Variants in TARBP1 observed in about 807,000 individuals in gnomAD.
TARBP1 encodes tRNA guanosine 2 -O-methyltransferase TARBP1.
Under a neutral mutation model 178.6 loss-of-function variants are expected in TARBP1, and 144 were observed. That is an observed-to-expected ratio of 0.81 (90% CI 0.70 to 0.93). TARBP1 has a LOEUF of 0.93. TARBP1 is among the 40% of genes least tolerant of loss of function. The probability of loss-of-function intolerance (pLI) is 0.00; values close to 1 mark genes in which losing one functional copy is unlikely to be tolerated. For missense variants in TARBP1, 2,067 were observed against 2,011.7 expected (o/e 1.03, Z -0.53); for synonymous variants, 787 against 781.0 (o/e 1.01, Z -0.13).
intron 9 of TARBP1, among the ~76,000 whole-genome samples, chr1:234,450,777 T>TGC (rs1491224494): frequency 1.3e-5 from 1 of 75,814 alleles, no homozygotes; most frequent in Admixed American, 1.8e-4. Context: ...CGTATATGTA[T>TGC]GTGTGATATA....
intron 20 of TARBP1, among the ~76,000 whole-genome samples, chr1:234,422,786 T>C (rs1389746041): frequency 6.6e-6 from 1 of 152,214 alleles, no homozygotes; most frequent in Non-Finnish European, 1.5e-5. Context: ...GTGACAGATA[T>C]CTCATTTACC....
chr1:234,433,888 T>C (rs578145427), intron 13 of TARBP1, among the ~76,000 whole-genome samples: 13 of 152,314 alleles, frequency 8.5e-5, no homozygotes, highest in African/African-American at 3.1e-4. Flanking sequence ...CTAGGGCTAG[T>C]ACATCATAAA....
chr1:234,425,953 A>G (rs1203127434), intron 19 of TARBP1, among the ~76,000 whole-genome samples, 160 bp from the exon 20 acceptor site: 3 of 152,238 alleles, frequency 2.0e-5, no homozygotes, highest in African/African-American at 7.2e-5. Flanking sequence ...TTTAGAATAG[A>G]TAACAGAAGA....
chr1:234,429,511 T>C lies in TARBP1; in HGVS notation c.2776A>G (p.Ile926Val), dbSNP rs543694624. ...EPFLPAVQMP[I>V]RTLQSALEAL... Reference sequence around the variant, plus strand: ...TCTAGTGCAGACTGCAAAGTCCTTATTGGCATCTGAACGGCAGGTAGAAAC... The same window carrying C: ...TCTAGTGCAGACTGCAAAGTCCTTACTGGCATCTGAACGGCAGGTAGAAAC... Residue 926 changes from isoleucine to valine, a missense_variant, in exon 16 of 30, where the codon ATA becomes GTA. Physicochemically the swap from Ile to Val is conservative, Grantham distance 29. Transcript: ENST00000040877. The C allele has an allele frequency of 2.7e-5, 44 of 1,614,194 alleles. No homozygotes were observed. Among genetic ancestry groups the C allele is most frequent in the Non-Finnish European group, 3.5e-5 (41 of 1,180,040 alleles).
chr1:234,447,420 G>C (rs1461838874), intron 11 of TARBP1, among the ~76,000 whole-genome samples: 1 of 105,786 alleles, frequency 9.5e-6, no homozygotes, highest in Non-Finnish European at 1.8e-5. Flanking sequence ...TTTGAGATGG[G>C]GTCTCACTCT....
intron 26 of TARBP1, among the ~76,000 whole-genome samples, chr1:234,395,581 C>CTGAATTTGG (rs1179333950): frequency 6.6e-6 from 1 of 152,170 alleles, no homozygotes; most frequent in Non-Finnish European, 1.5e-5. Flanking sequence ...GAAAGGCAAA[C>CTGAATTTGG]TGAATTTGGA....
At chr1:234,422,193 G>T (rs1278666688) in intron 20 of TARBP1, among the ~76,000 whole-genome samples, 1 of 152,124 alleles carries the variant, frequency 6.6e-6, no homozygotes, top group Admixed American at 6.5e-5. Flanking sequence ...CCCTCAACTG[G>T]AAGTTGAGAA....
intron 9 of TARBP1, among the ~76,000 whole-genome samples, chr1:234,456,061 T>C (rs1026059838): frequency 6.6e-6 from 1 of 152,244 alleles, no homozygotes; most frequent in African/African-American, 2.4e-5. Flanking sequence ...GTAGATAAAG[T>C]GGATGTCCAC....
intron 6 of TARBP1, among the ~76,000 whole-genome samples, chr1:234,462,693 A>G (rs1667995892): frequency 6.6e-6 from 1 of 151,052 alleles, no homozygotes; most frequent in Admixed American, 6.6e-5. Flanking sequence ...ATCTCAAAAA[A>G]AAAAAAAAAA....
chr1:234,468,816 C>T (rs1668726393), intron 3 of TARBP1, among the ~76,000 whole-genome samples: 1 of 151,816 alleles, frequency 6.6e-6, no homozygotes, highest in South Asian at 2.1e-4. Flanking sequence ...GGCTTGTGTC[C>T]CAGGTGGTGC....
chr1:234,424,171 T>C (rs1663440847), intron 20 of TARBP1, among the ~76,000 whole-genome samples: 2 of 152,312 alleles, frequency 1.3e-5, no homozygotes, highest in Admixed American at 1.3e-4. Flanking sequence ...TTCCATGAGT[T>C]CTGTAGTCAT....
intron 20 of TARBP1, among the ~76,000 whole-genome samples, chr1:234,424,835 G>A (rs934097691): frequency 2.0e-5 from 3 of 152,174 alleles, no homozygotes; most frequent in Admixed American, 1.3e-4. Context: ...GCCAAGGAGG[G>A]TGGATTACCT....
At chr1:234,458,278 A>G (rs1667490984) in intron 8 of TARBP1, among the ~76,000 whole-genome samples, 1 of 152,138 alleles carries the variant, frequency 6.6e-6, no homozygotes. Flanking sequence ...TGGGAGGTGG[A>G]GGTTGCAGTG....
intron 12 of TARBP1, among the ~76,000 whole-genome samples, chr1:234,443,863 G>T (rs1380004072): frequency 6.6e-6 from 1 of 152,166 alleles, no homozygotes; most frequent in East Asian, 1.9e-4. Flanking sequence ...AGACACAAAA[G>T]GACAAATGCT....
intron 13 of TARBP1, among the ~76,000 whole-genome samples, chr1:234,436,076 CAT>C (rs1199687715): frequency 6.6e-6 from 1 of 151,722 alleles, no homozygotes; most frequent in Non-Finnish European, 1.5e-5. Flanking sequence ...TTAAAACTAT[CAT>C]ATATGGAATT....
Position 234,429,593 on chromosome 1 carries a change from G to A in TARBP1, c.2694C>T (p.Phe898=). 1 of 1,613,992 alleles carries A rather than the reference G, an allele frequency of 6.2e-7. No homozygotes were observed. Among genetic ancestry groups the A allele is most frequent in the Non-Finnish European group, 8.5e-7 (1 of 1,180,004 alleles). The change falls in exon 16 of 30, where the codon TTC becomes TTT. Residue 898 remains phenylalanine, a synonymous_variant. Coordinates refer to ENST00000040877, the MANE Select transcript of TARBP1 (RefSeq NM_005646.4). ...YIHDQWVCLS[F]LLKKYHTLIP... ...TAAGGGTGTGATATTTTTTCAACAG[G>A]AAAGAGAGGCACACCCATTGATCAT...
chr1:234,457,198 G>T (rs1247854105), intron 9 of TARBP1, among the ~76,000 whole-genome samples: 1 of 152,222 alleles, frequency 6.6e-6, no homozygotes, highest in Non-Finnish European at 1.5e-5. Context: ...GCATGGAGAA[G>T]AGGAAAGATG....
At chr1:234,467,957 T>G (rs534034354) in intron 3 of TARBP1, among the ~76,000 whole-genome samples, 6 of 152,194 alleles carry the variant, frequency 3.9e-5, no homozygotes, top group African/African-American at 1.4e-4. Flanking sequence ...TTTAAAATAT[T>G]TTTTAGAAAC....
chr1:234,459,680 C>T (rs138869916), intron 7 of TARBP1, among the ~76,000 whole-genome samples: 3 of 151,986 alleles, frequency 2.0e-5, no homozygotes, highest in African/African-American at 7.2e-5. Flanking sequence ...AGAGTAATGG[C>T]GCACACCTTT....
Sources: allele counts gnomAD v4.1 joint callset (sites outside exome capture counted in the v4.1 genomes callset), GRCh38; gene constraint gnomAD v4.1.1; transcripts MANE v1.5; gene names NCBI Gene and HGNC (gene_info 2026-07-23, HGNC 2026-07-21).